DHX9: variants seen among roughly 807,000 people sequenced by gnomAD.
DHX9 encodes the protein DExH-box helicase 9, also known as ATP-dependent RNA helicase A.
Under a neutral mutation model 148.7 loss-of-function variants are expected in DHX9, and 27 were observed. The observed-to-expected ratio is 0.18, with a 90% CI of 0.13 to 0.25. The LOEUF is 0.25. Among genes scored for constraint, DHX9 ranks in the 10% least tolerant of loss-of-function variants. The pLI, the probability that DHX9 is intolerant of heterozygous loss-of-function variation, is 1.00. For missense variants in DHX9, 796 were observed against 1,559.6 expected (o/e 0.51, Z 8.25); for synonymous variants, 529 against 516.6 (o/e 1.02, Z -0.33).
chr1:182,886,276 A>C (rs1482861772), intron 27 of DHX9, among the ~76,000 whole-genome samples: 1 of 151,616 alleles, frequency 6.6e-6, no homozygotes, highest in East Asian at 1.9e-4. Flanking sequence ...GCTCACTGCA[A>C]CCTCTGCCTT....
rs115109193 is a variant in DHX9 at position 182,845,716 on chromosome 1, G to A, written c.252+2282G>A. Among the ~76,000 whole-genome samples the A allele has an allele frequency of 1.0e-3, 154 of 152,326 alleles. 1 individual carries two copies. Among genetic ancestry groups the A allele is most frequent in the Middle Eastern group, 3.4e-3 (1 of 294 alleles). On this transcript the variant is annotated intron_variant, in intron 3 of 27. Coordinates refer to ENST00000367549, the MANE Select transcript of DHX9 (RefSeq NM_001357.5). ...AGAACTTCTGACTGACTAGCTTCAA[G>A]TTATGGTTTTCATGACTGCCTCTTT...
chr1:182,855,847 C>T (rs1267456444), intron 6 of DHX9: 1 of 606,594 alleles, frequency 1.6e-6, no homozygotes, highest in Non-Finnish European at 2.1e-6. Context: ...GCATAGTTAT[C>T]AAAGGGCAGT....
At chr1:182,859,159 G>C (rs1261626341) in intron 11 of DHX9, 42 bp downstream of exon 11, 2 of 1,569,662 alleles carry the variant, frequency 1.3e-6, no homozygotes, top group East Asian at 2.2e-5. Context: ...CAGAGCTTCA[G>C]AATGTTCTAG....
At chr1:182,856,653 A>T in intron 7 of DHX9, 75 bp downstream of exon 7, 1 of 1,278,008 alleles carries the variant, frequency 7.8e-7, no homozygotes, top group Non-Finnish European at 1.1e-6. Context: ...GTCTTGAGTC[A>T]CGTATACAGA....
intron 3 of DHX9, among the ~76,000 whole-genome samples, chr1:182,848,046 G>C (rs957395397): frequency 5.9e-5 from 9 of 151,912 alleles, no homozygotes; most frequent in Non-Finnish European, 1.2e-4. Context: ...TATTTCCTCT[G>C]TTCCAGCTAC....
At chr1:182,854,296 T>C in intron 6 of DHX9, 118 bp downstream of exon 6, 1 of 937,200 alleles carries the variant, frequency 1.1e-6, no homozygotes, top group Non-Finnish European at 1.5e-6. Flanking sequence ...AGAATTGAAT[T>C]GTTAAAAGAT....
At chr1:182,843,175 T>C (rs753449978) in intron 2 of DHX9, 119 bp from the exon 3 acceptor site, 1 of 588,758 alleles carries the variant, frequency 1.7e-6, no homozygotes, top group Non-Finnish European at 2.6e-6. Flanking sequence ...TTTATATTTA[T>C]AGAGTATATT....
intron 4 of DHX9, among the ~76,000 whole-genome samples, chr1:182,852,787 G>A (rs961651670): frequency 6.6e-6 from 1 of 152,144 alleles, no homozygotes; most frequent in Non-Finnish European, 1.5e-5. Context: ...TCGTTTCCAA[G>A]AACCTAGCAG....
In DHX9 at chr1:182,846,101, C is replaced by T. The variant is rs775243557; in HGVS notation, c.252+2667C>T. On this transcript the variant is annotated intron_variant, in intron 3 of 27. Transcript: ENST00000367549. ...ATCTTTCCTTGGTGGTTCTGGTGAC[C>T]ATCCCCCCACACCTGAAGCTACCTA... Among the ~76,000 whole-genome samples the T allele has an allele frequency of 5.3e-4, 80 of 152,174 alleles. 1 individual carries two copies. The highest frequency in any genetic ancestry group is 3.2e-3 in the Middle Eastern group (1 of 316).
intron 3 of DHX9, among the ~76,000 whole-genome samples, chr1:182,849,958 G>A (rs1023507296): frequency 1.2e-4 from 17 of 146,126 alleles, no homozygotes; most frequent in Non-Finnish European, 1.8e-4. Flanking sequence ...AAAAAAACTG[G>A]TTCATTGTAA....
At chr1:182,884,955 G>C in intron 27 of DHX9, 142 bp downstream of exon 27, 1 of 736,066 alleles carries the variant, frequency 1.4e-6, no homozygotes, top group East Asian at 2.7e-5. Flanking sequence ...TAGAGAGTTT[G>C]ATGTTCTGAG....
chr1:182,870,236 T>G (rs573256597), intron 14 of DHX9, among the ~76,000 whole-genome samples: 2 of 152,358 alleles, frequency 1.3e-5, no homozygotes, highest in African/African-American at 4.8e-5. Context: ...TATCAATTAT[T>G]TTCAAGTTGG....
intron 12 of DHX9, 24 bp downstream of exon 12, chr1:182,860,208 A>G (rs1571307077): frequency 2.6e-6 from 4 of 1,529,764 alleles, no homozygotes; most frequent in Non-Finnish European, 2.6e-6. Flanking sequence ...CAACCATGAA[A>G]TACCTAGAGA....
chr1:182,859,213 G>T, intron 11 of DHX9, 96 bp downstream of exon 11: 1 of 1,068,872 alleles, frequency 9.4e-7, no homozygotes, highest in Non-Finnish European at 1.4e-6. Flanking sequence ...GCCCTTTTAA[G>T]GAGGGCATAT....
intron 27 of DHX9, among the ~76,000 whole-genome samples, chr1:182,886,845 A>G (rs568887188): frequency 2.6e-5 from 4 of 152,354 alleles, no homozygotes; most frequent in Non-Finnish European, 5.9e-5. Flanking sequence ...TTAAAGTTCT[A>G]ATGACATACT....
At chr1:182,881,222 A>G (rs371062117) in intron 22 of DHX9, 42 bp from the exon 23 acceptor site, 5 of 1,582,462 alleles carry the variant, frequency 3.2e-6, no homozygotes, top group Non-Finnish European at 8.6e-7. Flanking sequence ...TGGCAACAAC[A>G]TTGTGATCTA....
At chr1:182,854,227 G>A in intron 6 of DHX9, 49 bp downstream of exon 6, 1 of 1,514,978 alleles carries the variant, frequency 6.6e-7, no homozygotes, top group Non-Finnish European at 8.9e-7. Context: ...AGGTGGTTTT[G>A]GATATTCACT....
intron 24 of DHX9, among the ~76,000 whole-genome samples, chr1:182,882,078 G>C (rs965830872): frequency 2.6e-5 from 4 of 152,202 alleles, no homozygotes; most frequent in Non-Finnish European, 5.9e-5. Flanking sequence ...AAATAAGACT[G>C]TTGAGAGACA....
intron 21 of DHX9, among the ~76,000 whole-genome samples, chr1:182,880,170 C>T (rs576901997): frequency 6.6e-6 from 1 of 152,212 alleles, no homozygotes; most frequent in Admixed American, 6.5e-5. Flanking sequence ...TTTTTTAAAA[C>T]ATTAACAGCT....
Sources: gnomAD v4.1 joint callset for allele counts (sites outside exome capture counted in the v4.1 genomes callset) on GRCh38, gnomAD v4.1.1 for gene constraint, MANE v1.5 for transcripts, NCBI Gene and HGNC (gene_info 2026-07-23, HGNC 2026-07-21) for gene names.